TSNAX: variants seen among roughly 807,000 people sequenced by gnomAD.
TSNAX encodes translin-associated protein X.
Under a neutral mutation model 33.0 loss-of-function variants are expected in TSNAX, and 12 were observed. The observed-to-expected ratio is 0.36, with a 90% CI of 0.23 to 0.59. TSNAX has a LOEUF of 0.59. TSNAX is among the 20% of genes least tolerant of loss of function. The pLI is 0.74. For missense variants in TSNAX, 267 were observed against 341.3 expected (o/e 0.78, Z 1.72); for synonymous variants, 110 against 117.2 (o/e 0.94, Z 0.40).
chr1:231,559,772 T>C (rs1241585990), intron 4 of TSNAX, among the ~76,000 whole-genome samples: 1 of 152,026 alleles, frequency 6.6e-6, no homozygotes, highest in Non-Finnish European at 1.5e-5. Context: ...TACTCTTCAA[T>C]TCAAGGGTTG....
chr1:231,561,255 T>C lies in TSNAX; in HGVS notation c.495T>C (p.Thr165=), dbSNP rs537403600. ...AAGACAATGGGAAAGAAAATAAAAC[T>C]GTGAGAATTTAAAATTTATTTCACA... The part of the protein sequence containing the change: ...TTEDNGKENK[T]PSSDAQDKQF... The change falls in exon 5 of 6, where the codon ACT becomes ACC. Residue 165 remains threonine, a splice_region_variant and synonymous_variant. Coordinates refer to ENST00000366639, the MANE Select transcript of TSNAX (RefSeq NM_005999.3). The C allele has an allele frequency of 1.0e-5, 15 of 1,506,398 alleles. No individual in the cohort carries two copies. In the African/African-American group the frequency reaches 1.6e-4, roughly 16 times the overall value. The allele number at this position is 1,506,398 out of a possible 1,614,324, so 93.3% of individuals were successfully genotyped here.
At chr1:231,530,057 G>A (rs1199833518) in intron 2 of TSNAX, among the ~76,000 whole-genome samples, 1 of 152,182 alleles carries the variant, frequency 6.6e-6, no homozygotes, top group Non-Finnish European at 1.5e-5. Flanking sequence ...CCAGCTCTCT[G>A]TTCCTGTCCA....
chr1:231,563,474 CTG>C (rs1661239084), intron 5 of TSNAX: 1 of 154,952 alleles, frequency 6.5e-6, no homozygotes, highest in Non-Finnish European at 1.5e-5. Flanking sequence ...GATGAGGAAA[CTG>C]AGGTTTAGAG....
chr1:231,559,002 C>T (rs1660865936), intron 4 of TSNAX, among the ~76,000 whole-genome samples: 1 of 151,986 alleles, frequency 6.6e-6, no homozygotes, highest in Non-Finnish European at 1.5e-5. Context: ...TGGACCTTTG[C>T]CTGGCATTTG....
intron 4 of TSNAX, among the ~76,000 whole-genome samples, chr1:231,559,564 G>A (rs530520843): frequency 6.6e-5 from 10 of 152,252 alleles, no homozygotes; most frequent in African/African-American, 1.2e-4. Flanking sequence ...TCCTGACCTC[G>A]TGACCCGCTG....
intron 5 of TSNAX, among the ~76,000 whole-genome samples, chr1:231,563,932 G>A (rs998095432): frequency 1.3e-5 from 2 of 152,136 alleles, no homozygotes; most frequent in Admixed American, 6.5e-5. Context: ...TTAACTCAGT[G>A]AGTGGTACTC....
intron 4 of TSNAX, among the ~76,000 whole-genome samples, chr1:231,560,406 T>TTCC (rs1661003604): frequency 8.1e-4 from 26 of 32,058 alleles, no homozygotes; most frequent in East Asian, 2.7e-3. Flanking sequence ...TTTTCTTTTC[T>TTCC]CCCCCCCCCC....
intron 2 of TSNAX, chr1:231,536,694 A>G (rs978543077): frequency 4.6e-5 from 7 of 152,386 alleles, no homozygotes; most frequent in Admixed American, 2.6e-4. Flanking sequence ...GACAATTAAC[A>G]CTAGAGTCAG....
At chr1:231,529,387 A>G in intron 2 of TSNAX, 28 bp downstream of exon 2, 1 of 1,604,080 alleles carries the variant, frequency 6.2e-7, no homozygotes, top group Non-Finnish European at 8.5e-7. Flanking sequence ...TAAGTTGAAG[A>G]AGGGGAGAGA....
rs1661341760 is a variant in TSNAX, at chr1:231,565,096, A to G, written c.*191A>G. On this transcript the variant is annotated 3_prime_UTR_variant, in exon 6 of 6. Transcript: ENST00000366639. ...AATCATTTCTTATATCTTATTCATG[A>G]AAGTTTGCATACAGATGTTTGCATA... The G allele has an allele frequency of 1.1e-5, 8 of 712,432 alleles. No individual in the cohort carries two copies. The East Asian group carries it at 2.0e-4, about 18-fold the overall frequency. The allele number at this position is 712,432 out of a possible 1,614,324, so 44.1% of individuals were successfully genotyped here. A position where few individuals can be genotyped will look rare whatever the true frequency, so the allele number is the denominator to read the frequency against.
At position 231,542,548 on chromosome 1, in the gene TSNAX, T is replaced by C. The variant is rs761137587; in HGVS notation, c.304T>C (p.Phe102Leu). 1.2e-6 allele frequency: 2 copies of C among 1,614,066 alleles called. No homozygotes were observed. The highest frequency in any genetic ancestry group is 1.7e-5 in the Admixed American group (1 of 60,018). ...IKLDGVRQKI[F>L]QVAQELSGED... Reference sequence around the variant, plus strand: ...ATTGGATGGTGTCAGACAAAAGATATTCCAGGTAGCCCAAGAGCTATCAGG... The same window carrying C: ...ATTGGATGGTGTCAGACAAAAGATACTCCAGGTAGCCCAAGAGCTATCAGG... The change falls in exon 4 of 6, where the codon TTC becomes CTC. Residue 102 changes from phenylalanine (F) to leucine (L), a missense_variant. Physicochemically the swap from Phe to Leu is conservative, Grantham distance 22 (BLOSUM62 0). Coordinates refer to ENST00000366639, the MANE Select transcript of TSNAX (RefSeq NM_005999.3).
At chr1:231,537,703 C>G (rs555491889) in intron 3 of TSNAX, among the ~76,000 whole-genome samples, 2 of 149,326 alleles carry the variant, frequency 1.3e-5, no homozygotes, top group African/African-American at 5.0e-5. Context: ...ATCCCACCAC[C>G]GCACTCTAGC....
chr1:231,528,719 T>A lies in TSNAX; in HGVS notation c.-92T>A, dbSNP rs1572090177. The A allele has an allele frequency of 1.3e-5, 19 of 1,506,464 alleles. No individual in the cohort carries two copies. Among genetic ancestry groups the A allele is most frequent in the Non-Finnish European group, 1.7e-5 (18 of 1,086,732 alleles). 93.3% of individuals were successfully genotyped at this position (1,506,464 alleles called of 1,614,324 possible). A position where few individuals can be genotyped will look rare whatever the true frequency, so the allele number is the denominator to read the frequency against. On this transcript the variant is annotated 5_prime_UTR_variant, in exon 1 of 6. Coordinates refer to ENST00000366639, the MANE Select transcript of TSNAX (RefSeq NM_005999.3). ...GGCTGCAAAGCGTTTTTCTGCAGGC[T>A]GTTTTCCCAGGTTCCCTCGGCCTGT...
intron 2 of TSNAX, among the ~76,000 whole-genome samples, chr1:231,530,291 G>A (rs756264594): frequency 1.6e-4 from 25 of 152,232 alleles, no homozygotes; most frequent in Non-Finnish European, 2.4e-4. Context: ...TTGGAGGGAG[G>A]AGTCTCAGGT....
intron 2 of TSNAX, among the ~76,000 whole-genome samples, chr1:231,533,688 A>C (rs1558119340): frequency 6.6e-6 from 1 of 152,244 alleles, no homozygotes. Flanking sequence ...ATTTCTGTAT[A>C]GACTTGACTT....
intron 3 of TSNAX, among the ~76,000 whole-genome samples, chr1:231,540,224 C>CAG (rs1659486902): frequency 6.8e-6 from 1 of 146,940 alleles, no homozygotes; most frequent in Non-Finnish European, 1.5e-5. Context: ...GAGCCAGTCA[C>CAG]AGTACAGCTG....
Position 231,564,932 on chromosome 1 carries a change from C to T in TSNAX, c.*27C>T. On this transcript the variant is annotated 3_prime_UTR_variant, in exon 6 of 6. Transcript: ENST00000366639. ...ATCTAACGTTACTCAGTTACTAATT[C>T]TTTTGAGAACTCCTAAGAGACCAAT... 6.3e-7 allele frequency: 1 copy of T among 1,598,616 alleles called. No homozygotes were observed. Among genetic ancestry groups the T allele is most frequent in the Non-Finnish European group, 8.5e-7 (1 of 1,171,626 alleles).
intron 4 of TSNAX, among the ~76,000 whole-genome samples, chr1:231,560,556 G>A (rs1357827869): frequency 1.3e-5 from 2 of 149,564 alleles, no homozygotes; most frequent in African/African-American, 2.5e-5. Context: ...CTGGGATTAC[G>A]GGCTCCTGCC....
intron 2 of TSNAX, among the ~76,000 whole-genome samples, chr1:231,530,432 C>A (rs57603331): frequency 0.028 from 4,318 of 152,114 alleles, 203 homozygotes; most frequent in African/African-American, 0.098. Flanking sequence ...TGGTGGCTCA[C>A]GCCTGTAATC....
Sources: gnomAD v4.1 joint callset for allele counts (sites outside exome capture counted in the v4.1 genomes callset) on GRCh38, gnomAD v4.1.1 for gene constraint, MANE v1.5 for transcripts, NCBI Gene and HGNC (gene_info 2026-07-23, HGNC 2026-07-21) for gene names.